Variants in EPB41L4A observed in about 807,000 individuals in gnomAD.
EPB41L4A encodes the protein band 4.1-like protein 4A.
EPB41L4A carries 100 observed loss-of-function variants against 108.6 expected under a neutral mutation model. That is an observed-to-expected ratio of 0.92 (90% CI 0.78 to 1.09). EPB41L4A has a LOEUF of 1.09. Among genes scored for constraint, EPB41L4A ranks in the 50% least tolerant of loss-of-function variants. EPB41L4A has a pLI of 0.00. For missense variants in EPB41L4A, 1,030 were observed against 842.7 expected (o/e 1.22, Z -2.75); for synonymous variants, 319 against 289.0 (o/e 1.10, Z -1.05).
intron 1 of EPB41L4A, among the ~76,000 whole-genome samples, chr5:112,329,702 G>A (rs887873590): frequency 3.3e-5 from 5 of 152,130 alleles, no homozygotes; most frequent in African/African-American, 1.2e-4. Flanking sequence ...CCCAGGGACT[G>A]CCCTGCAAAT....
intron 2 of EPB41L4A, among the ~76,000 whole-genome samples, chr5:112,295,026 C>T (rs1753904110): frequency 2.6e-5 from 4 of 152,200 alleles, no homozygotes; most frequent in Admixed American, 2.6e-4. Context: ...AACCCAAGCT[C>T]ATCTGGCACT....
At chr5:112,179,792 C>G (rs183190561) in intron 18 of EPB41L4A, among the ~76,000 whole-genome samples, 18 of 152,228 alleles carry the variant, frequency 1.2e-4, no homozygotes, top group African/African-American at 4.3e-4. Flanking sequence ...AACATTGTAA[C>G]TCAACACTGT....
rs538620818 is a variant in EPB41L4A at position 112,419,272 on chromosome 5, G to A, written c.-233C>T. 17 of 385,514 alleles carry A rather than the reference G, an allele frequency of 4.4e-5. No individual in the cohort carries two copies. Among genetic ancestry groups the A allele is most frequent in the African/African-American group, 2.8e-4 (13 of 46,032 alleles). The allele number at this position is 385,514 out of a possible 1,614,324, so 23.9% of individuals were successfully genotyped here. On this transcript the variant is annotated 5_prime_UTR_variant, in exon 1 of 23. Coordinates refer to ENST00000261486, the MANE Select transcript of EPB41L4A (RefSeq NM_022140.5). ...CGGGAGCCGCCGGGGAAGCGCCGGC[G>A]GAACTGGGCGCGGAGGGCGGTGGCG... is the stretch of plus-strand genomic sequence containing the variant.
intron 12 of EPB41L4A, among the ~76,000 whole-genome samples, chr5:112,210,578 T>A (rs572302738): frequency 1.3e-5 from 2 of 152,282 alleles, no homozygotes; most frequent in African/African-American, 4.8e-5. Context: ...TTCCATAGAT[T>A]TGCATACACG....
chr5:112,193,007 A>C (rs1344888716), intron 17 of EPB41L4A, among the ~76,000 whole-genome samples: 1 of 152,212 alleles, frequency 6.6e-6, no homozygotes, highest in East Asian at 1.9e-4. Flanking sequence ...AGAAGGAGCT[A>C]CCTCCCACAT....
intron 1 of EPB41L4A, among the ~76,000 whole-genome samples, chr5:112,358,600 G>A (rs1580751979): frequency 6.6e-6 from 1 of 152,224 alleles, no homozygotes; most frequent in African/African-American, 2.4e-5. Flanking sequence ...CTCACAGATT[G>A]TTAGCTGGAG....
intron 16 of EPB41L4A, among the ~76,000 whole-genome samples, chr5:112,194,878 A>G (rs1455541706): frequency 2.6e-5 from 4 of 152,194 alleles, no homozygotes; most frequent in Non-Finnish European, 5.9e-5. Context: ...AAACCGATTA[A>G]GGTGAATGTC....
intron 3 of EPB41L4A, among the ~76,000 whole-genome samples, chr5:112,278,739 A>G (rs939383250): frequency 6.6e-6 from 1 of 151,952 alleles, no homozygotes; most frequent in African/African-American, 2.4e-5. Context: ...CTTTTCCTAT[A>G]AAAGAAACCT....
At chr5:112,235,888 G>A (rs1749297708) in intron 11 of EPB41L4A, among the ~76,000 whole-genome samples, 1 of 152,196 alleles carries the variant, frequency 6.6e-6, no homozygotes, top group African/African-American at 2.4e-5. Flanking sequence ...GGAGCAAACT[G>A]ACAGATTTTC....
intron 1 of EPB41L4A, among the ~76,000 whole-genome samples, chr5:112,404,322 T>C (rs1356341963): frequency 6.6e-6 from 1 of 152,248 alleles, no homozygotes; most frequent in East Asian, 1.9e-4. Flanking sequence ...GTGATGCAGA[T>C]AGTGTTATTC....
chr5:112,304,979 C>T (rs541308537), intron 2 of EPB41L4A, among the ~76,000 whole-genome samples: 4 of 152,242 alleles, frequency 2.6e-5, no homozygotes, highest in African/African-American at 7.2e-5. Context: ...TTCTGAAAGC[C>T]TAGAAGATGG....
In EPB41L4A at chr5:112,195,713, G is replaced by A. The variant is rs762731326; in HGVS notation, c.1377-5C>T. The A allele has an allele frequency of 1.9e-6, 3 of 1,611,556 alleles. No individual in the cohort carries two copies. The highest frequency in any genetic ancestry group is 2.7e-5 in the African/African-American group (2 of 74,744). ...TCACCACTGTTATGGGCTTTCCTGTGAAAACAAATGAAGACATTTAAGAAA... is the reference window on the plus strand; with the variant it reads ...TCACCACTGTTATGGGCTTTCCTGTAAAAACAAATGAAGACATTTAAGAAA... On this transcript the variant is annotated splice_polypyrimidine_tract_variant and splice_region_variant and intron_variant, in intron 15 of 22. Transcript: ENST00000261486.
At chr5:112,369,132 A>G (rs1458894184) in intron 1 of EPB41L4A, among the ~76,000 whole-genome samples, 1 of 152,206 alleles carries the variant, frequency 6.6e-6, no homozygotes. Context: ...AAGTCTCTTG[A>G]GCCAGCAACC....
At chr5:112,352,327 A>G (rs1758098528) in intron 1 of EPB41L4A, among the ~76,000 whole-genome samples, 1 of 152,164 alleles carries the variant, frequency 6.6e-6, no homozygotes, top group African/African-American at 2.4e-5. Context: ...AGTTTGAAGA[A>G]CTTTTTAAAT....
At position 112,349,970 on chromosome 5, in the gene EPB41L4A, C is replaced by T. The variant is rs951717501; in HGVS notation, c.100-42480G>A. On this transcript the variant is annotated intron_variant, in intron 1 of 22. Transcript: ENST00000261486. ...GCAAAGATCATAGGGGCGAAGACGA[C>T]GACAGTGTGAAGGATGGGAGACAGC... 2.0e-5 allele frequency among the ~76,000 whole-genome samples: 3 copies of T among 152,118 alleles called. 1 individual carries two copies. The highest frequency in any genetic ancestry group is 4.4e-5 in the Non-Finnish European group (3 of 68,016).
intron 1 of EPB41L4A, among the ~76,000 whole-genome samples, chr5:112,408,038 A>C (rs1762173004): frequency 6.6e-6 from 1 of 152,248 alleles, no homozygotes; most frequent in African/African-American, 2.4e-5. Flanking sequence ...TAGTAAAAAT[A>C]AACAAGATGC....
At chr5:112,255,139 G>A (rs1280161017) in intron 9 of EPB41L4A, among the ~76,000 whole-genome samples, 1 of 152,024 alleles carries the variant, frequency 6.6e-6, no homozygotes, top group Non-Finnish European at 1.5e-5. Context: ...CTTTCACGGT[G>A]GGTGTCATCC....
At chr5:112,349,961 C>A (rs966235354) in intron 1 of EPB41L4A, among the ~76,000 whole-genome samples, 3 of 152,080 alleles carry the variant, frequency 2.0e-5, no homozygotes, top group Non-Finnish European at 2.9e-5. Flanking sequence ...ATCATAGGGG[C>A]GAAGACGACG....
intron 2 of EPB41L4A, among the ~76,000 whole-genome samples, chr5:112,282,400 G>A (rs1253983064): frequency 3.9e-5 from 6 of 152,154 alleles, no homozygotes; most frequent in Admixed American, 2.0e-4. Context: ...GAAAACAAAC[G>A]CAAATACTCA....
Sources: gnomAD v4.1 joint callset for allele counts (sites outside exome capture counted in the v4.1 genomes callset) on GRCh38, gnomAD v4.1.1 for gene constraint, MANE v1.5 for transcripts, NCBI Gene and HGNC (gene_info 2026-07-23, HGNC 2026-07-21) for gene names.